The following PDGFD variants were observed in gnomAD, a reference collection of about 807,000 sequenced individuals.
The protein encoded by PDGFD is platelet derived growth factor D.
Under a neutral mutation model 44.7 loss-of-function variants are expected in PDGFD, and 30 were observed. The observed-to-expected ratio is 0.67, with a 90% CI of 0.50 to 0.91. PDGFD has a LOEUF of 0.91. Ranked by LOEUF, PDGFD falls within the 40% of genes least tolerant of loss-of-function variation. PDGFD has a pLI of 0.00. For missense variants in PDGFD, 445 were observed against 457.8 expected (o/e 0.97, Z 0.25); for synonymous variants, 173 against 168.4 (o/e 1.03, Z -0.21).
intron 1 of PDGFD, among the ~76,000 whole-genome samples, chr11:104,043,420 G>A (rs1860390569): frequency 6.6e-6 from 1 of 152,186 alleles, no homozygotes; most frequent in Non-Finnish European, 1.5e-5. Flanking sequence ...TCAACCTAGA[G>A]TAAGCATATG....
intron 3 of PDGFD, among the ~76,000 whole-genome samples, chr11:103,950,120 T>C (rs1303902044): frequency 6.6e-6 from 1 of 152,054 alleles, no homozygotes; most frequent in Non-Finnish European, 1.5e-5. Context: ...ATTTGGGAAG[T>C]ATCAACACAA....
chr11:103,981,540 T>C (rs1011314199), intron 3 of PDGFD, among the ~76,000 whole-genome samples: 4 of 151,812 alleles, frequency 2.6e-5, no homozygotes, highest in Admixed American at 6.6e-5. Context: ...AGCTTTATAA[T>C]GCAGATGAAT....
chr11:104,086,027 T>C (rs1457492707), intron 1 of PDGFD, among the ~76,000 whole-genome samples: 1 of 152,210 alleles, frequency 6.6e-6, no homozygotes, highest in Non-Finnish European at 1.5e-5. Flanking sequence ...AAGCCGAAAG[T>C]GACATGCCTT....
chr11:104,097,663 T>C (rs546865466), intron 1 of PDGFD, among the ~76,000 whole-genome samples: 1 of 152,318 alleles, frequency 6.6e-6, no homozygotes, highest in African/African-American at 2.4e-5. Flanking sequence ...CCTTCTGCAG[T>C]TGTGCTAAGT....
intron 1 of PDGFD, among the ~76,000 whole-genome samples, chr11:104,044,479 T>C (rs1021071577): frequency 2.6e-5 from 4 of 151,974 alleles, no homozygotes; most frequent in African/African-American, 7.2e-5. Context: ...CTTAGCTATA[T>C]AAAAAAAGGT....
chr11:103,956,226 C>A (rs1407296285), intron 3 of PDGFD, among the ~76,000 whole-genome samples: 1 of 151,132 alleles, frequency 6.6e-6, no homozygotes, highest in Non-Finnish European at 1.5e-5. Context: ...CCCCACCCCA[C>A]AACAGTCCCC....
At chr11:104,097,734 A>T (rs1861307013) in intron 1 of PDGFD, among the ~76,000 whole-genome samples, 1 of 152,200 alleles carries the variant, frequency 6.6e-6, no homozygotes, top group Admixed American at 6.5e-5. Context: ...TGCAGCTGTT[A>T]TCCTCCTTTT....
chr11:104,069,846 C>T (rs1430959243), intron 1 of PDGFD, among the ~76,000 whole-genome samples: 4 of 152,024 alleles, frequency 2.6e-5, no homozygotes, highest in African/African-American at 4.8e-5. Flanking sequence ...GGTGACAGAG[C>T]GAGACTCCGT....
At chr11:104,152,314 T>TA (rs1277919030) in intron 1 of PDGFD, among the ~76,000 whole-genome samples, 1 of 152,226 alleles carries the variant, frequency 6.6e-6, no homozygotes, top group East Asian at 1.9e-4. Context: ...TTTAATTACA[T>TA]ATTTAGAAAC....
chr11:103,938,263 G>C (rs1015881359), intron 5 of PDGFD, among the ~76,000 whole-genome samples: 1 of 152,144 alleles, frequency 6.6e-6, no homozygotes, highest in Non-Finnish European at 1.5e-5. Flanking sequence ...GTGTGAGATG[G>C]TATCTCATTG....
chr11:104,086,773 C>T (rs890595742), intron 1 of PDGFD, among the ~76,000 whole-genome samples: 3 of 152,084 alleles, frequency 2.0e-5, no homozygotes, highest in African/African-American at 4.8e-5. Context: ...AAGTGAAAAC[C>T]GAGGCAAATG....
chr11:104,075,555 A>G (rs1449326507), intron 1 of PDGFD, among the ~76,000 whole-genome samples: 2 of 152,036 alleles, frequency 1.3e-5, no homozygotes, highest in African/African-American at 2.4e-5. Flanking sequence ...GTGCAGTGGC[A>G]TGATCATGGC....
intron 1 of PDGFD, among the ~76,000 whole-genome samples, chr11:104,124,953 T>A (rs890374058): frequency 6.6e-5 from 10 of 152,144 alleles, no homozygotes; most frequent in Admixed American, 2.0e-4. Flanking sequence ...ATATTCAGAA[T>A]TATCTCCTTT....
intron 1 of PDGFD, among the ~76,000 whole-genome samples, chr11:104,048,077 A>C (rs1346099760): frequency 6.6e-6 from 1 of 152,102 alleles, no homozygotes; most frequent in Non-Finnish European, 1.5e-5. Context: ...TTAACATCTC[A>C]TCAATGACAA....
chr11:104,062,585 ATATT>A (rs1469322673), intron 1 of PDGFD, among the ~76,000 whole-genome samples: 1 of 152,244 alleles, frequency 6.6e-6, no homozygotes, highest in Non-Finnish European at 1.5e-5. Context: ...TTAATTCAAT[ATATT>A]TATTCATCCA....
At chr11:104,070,743 G>A (rs1008614612) in intron 1 of PDGFD, among the ~76,000 whole-genome samples, 1 of 151,886 alleles carries the variant, frequency 6.6e-6, no homozygotes, top group Non-Finnish European at 1.5e-5. Flanking sequence ...TCCTTTTACA[G>A]GTGAACAGAA....
At chr11:103,985,166 A>AATATATTAATTTATTTAATATATAAT (rs1565302955) in intron 3 of PDGFD, among the ~76,000 whole-genome samples, 8 of 131,916 alleles carry the variant, frequency 6.1e-5, no homozygotes, top group African/African-American at 2.2e-4. Flanking sequence ...TTTAATATAT[A>AATATATTAATTTATTTAATATATAAT]ATATATTAAT....
chr11:104,097,999 G>A (rs1214753168), intron 1 of PDGFD, among the ~76,000 whole-genome samples: 2 of 152,028 alleles, frequency 1.3e-5, no homozygotes, highest in African/African-American at 4.8e-5. Flanking sequence ...TGAATACTTT[G>A]AATAAAAATC....
In PDGFD at chr11:104,000,311, C is replaced by A. The variant is rs10791660; in HGVS notation, c.125-56G>T. 251,070 of 1,421,866 alleles carry A rather than the reference C, an allele frequency of 0.18. 22,734 individuals carry two copies. Among genetic ancestry groups the A allele is most frequent in the Middle Eastern group, 0.21 (973 of 4,622 alleles). 88.1% of individuals were successfully genotyped at this position (1,421,866 alleles called of 1,614,324 possible). On this transcript the variant is annotated intron_variant, in intron 1 of 6. Coordinates refer to ENST00000393158, the MANE Select transcript of PDGFD (RefSeq NM_025208.5). ...TATGTTGCTCCAATTACAGGAAAGT[C>A]AAAAAAAGAGAACAGTTTACAACAC...
Sources: allele counts gnomAD v4.1 joint callset (sites outside exome capture counted in the v4.1 genomes callset), GRCh38; gene constraint gnomAD v4.1.1; transcripts MANE v1.5; gene names NCBI Gene and HGNC (gene_info 2026-07-23, HGNC 2026-07-21).